The following WDFY3 variants were observed in gnomAD, a reference collection of about 807,000 sequenced individuals.
WDFY3 encodes WD repeat and FYVE domain containing 3.
WDFY3 carries 66 observed loss-of-function variants against 409.6 expected under a neutral mutation model. That is an observed-to-expected ratio of 0.16 (90% CI 0.13 to 0.20). The LOEUF (loss-of-function observed/expected upper bound fraction) is 0.20. WDFY3 is among the 10% of genes least tolerant of loss of function. WDFY3 has a pLI of 1.00. For missense variants in WDFY3, 3,031 were observed against 4,298.1 expected (o/e 0.71, Z 8.24); for synonymous variants, 1,521 against 1,537.1 (o/e 0.99, Z 0.25).
chr4:84,677,961 C>CAAAAAAAAAAAAAA (rs986393073), intron 66 of WDFY3, among the ~76,000 whole-genome samples: 8 of 21,180 alleles, frequency 3.8e-4, no homozygotes, highest in Admixed American at 5.8e-4. Context: ...GACCCTGTCT[C>CAAAAAAAAAAAAAA]AAAAAAAAAA....
chr4:84,823,738 T>C (rs1423424016), intron 10 of WDFY3, among the ~76,000 whole-genome samples: 1 of 152,190 alleles, frequency 6.6e-6, no homozygotes, highest in Non-Finnish European at 1.5e-5. Flanking sequence ...ATTACATACT[T>C]AGTAGAATGT....
chr4:84,921,174 G>A (rs1194065292), intron 2 of WDFY3, among the ~76,000 whole-genome samples: 1 of 152,012 alleles, frequency 6.6e-6, no homozygotes, highest in Non-Finnish European at 1.5e-5. Context: ...AATTGATATA[G>A]TCATAAAACA....
intron 1 of WDFY3, among the ~76,000 whole-genome samples, chr4:84,936,096 A>G (rs1421849327): frequency 1.3e-5 from 2 of 152,214 alleles, no homozygotes; most frequent in Admixed American, 1.3e-4. Flanking sequence ...TAAACTGTGT[A>G]CATTGAAATG....
chr4:84,959,626 G>A (rs1774670965), intron 1 of WDFY3, among the ~76,000 whole-genome samples: 2 of 152,190 alleles, frequency 1.3e-5, no homozygotes, highest in Admixed American at 6.6e-5. Flanking sequence ...GGTGCTAACA[G>A]CATTTACTCA....
intron 41 of WDFY3, 70 bp from the exon 42 acceptor site, chr4:84,736,397 A>T: frequency 2.1e-6 from 3 of 1,427,690 alleles, no homozygotes. Flanking sequence ...TTAAAAACTT[A>T]TCTGGTTATA....
intron 51 of WDFY3, among the ~76,000 whole-genome samples, chr4:84,710,986 C>T (rs2148999588): frequency 6.6e-6 from 1 of 152,178 alleles, no homozygotes; most frequent in African/African-American, 2.4e-5. Context: ...AAAAACAAAA[C>T]TTAAAGAGAA....
At chr4:84,849,728 T>G in intron 5 of WDFY3, 174 bp downstream of exon 5, 1 of 806,730 alleles carries the variant, frequency 1.2e-6, no homozygotes, top group Non-Finnish European at 1.8e-6. Context: ...TACTGGAGAG[T>G]TGAAGATGCT....
chr4:84,915,958 C>A (rs1768425291), intron 2 of WDFY3, among the ~76,000 whole-genome samples: 2 of 152,130 alleles, frequency 1.3e-5, no homozygotes, highest in African/African-American at 4.8e-5. Flanking sequence ...TAATGAAGAA[C>A]CTGTTTCATA....
In WDFY3 at chr4:84,850,926, CTGTTTTTTTTT is replaced by C. The variant is rs1758853223; in HGVS notation, c.181-912_181-902del. On this transcript the variant is annotated intron_variant, in intron 4 of 67. Transcript: ENST00000295888. ...AATTCTTATTTTTAATTTTATTTAT[CTGTTTTTTTTT>C]TTTTTTTTTTTTTTTTTTTTTTTTT... 2.6e-3 allele frequency among the ~76,000 whole-genome samples: 84 copies of C among 32,160 alleles called. 2 individuals carry two copies. Among genetic ancestry groups the C allele is most frequent in the African/African-American group, 9.7e-3 (80 of 8,240 alleles). The allele number at this position is 32,160 out of a possible 152,430, so 21.1% of individuals were successfully genotyped here.
At chr4:84,784,891 T>TATATATATATATATAC (rs1238884117) in intron 24 of WDFY3, among the ~76,000 whole-genome samples, 10 of 36,930 alleles carry the variant, frequency 2.7e-4, no homozygotes, top group Non-Finnish European at 4.0e-4. Flanking sequence ...TATATATATA[T>TATATATATATATATAC]ACACACACAC....
chr4:84,866,877 C>G (rs1242027001), intron 3 of WDFY3, among the ~76,000 whole-genome samples: 1 of 152,190 alleles, frequency 6.6e-6, no homozygotes, highest in African/African-American at 2.4e-5. Context: ...GTAACCATGG[C>G]TTTGTCTACA....
chr4:84,832,435 T>C (rs1755874347), intron 7 of WDFY3, among the ~76,000 whole-genome samples: 1 of 152,088 alleles, frequency 6.6e-6, no homozygotes, highest in Non-Finnish European at 1.5e-5. Flanking sequence ...GTGAATATTA[T>C]TAAAAAAACA....
intron 17 of WDFY3, 59 bp from the exon 18 acceptor site, chr4:84,798,167 C>A (rs1269804182): frequency 8.0e-6 from 11 of 1,367,412 alleles, no homozygotes; most frequent in South Asian, 3.9e-5. Context: ...AATTCATTAA[C>A]CAAATATTCA....
intron 2 of WDFY3, among the ~76,000 whole-genome samples, chr4:84,917,924 A>G (rs1313655682): frequency 6.6e-6 from 1 of 152,158 alleles, no homozygotes; most frequent in Non-Finnish European, 1.5e-5. Context: ...CTCCCCCTAT[A>G]TATATGGCTC....
chr4:84,925,919 T>C (rs570439210), intron 2 of WDFY3, among the ~76,000 whole-genome samples: 8 of 152,080 alleles, frequency 5.3e-5, no homozygotes, highest in East Asian at 2.0e-4. Flanking sequence ...ATGTTCACTG[T>C]ATTATTCATT....
At chr4:84,740,085 A>G in intron 39 of WDFY3, 102 bp downstream of exon 39, 1 of 1,157,676 alleles carries the variant, frequency 8.6e-7, no homozygotes, top group Non-Finnish European at 1.2e-6. Flanking sequence ...AATAAAACAG[A>G]GTAAGGGTAA....
intron 2 of WDFY3, among the ~76,000 whole-genome samples, chr4:84,914,831 T>C (rs1387133614): frequency 6.6e-6 from 1 of 152,146 alleles, no homozygotes; most frequent in Admixed American, 6.5e-5. Context: ...AGCAATTCTG[T>C]TTTCAAAAGA....
intron 47 of WDFY3, among the ~76,000 whole-genome samples, chr4:84,719,489 A>G (rs1004931474): frequency 6.6e-6 from 1 of 152,194 alleles, no homozygotes; most frequent in Admixed American, 6.5e-5. Flanking sequence ...CTGCACTATT[A>G]AAGCAACCAG....
chr4:84,756,362 A>C (rs1177758664), intron 33 of WDFY3, among the ~76,000 whole-genome samples: 1 of 152,058 alleles, frequency 6.6e-6, no homozygotes. Flanking sequence ...AGGCAGGTGG[A>C]TCACCTGAGG....
Sources: gnomAD v4.1 joint callset for allele counts (sites outside exome capture counted in the v4.1 genomes callset) on GRCh38, gnomAD v4.1.1 for gene constraint, MANE v1.5 for transcripts, NCBI Gene and HGNC (gene_info 2026-07-23, HGNC 2026-07-21) for gene names.